Variants in ARL15 observed in about 807,000 individuals in gnomAD.
ARL15 encodes the protein ARF like GTPase 15.
In ARL15, 19 loss-of-function variants were observed where a neutral mutation model predicts 25.2. The ratio of observed to expected loss-of-function variants is 0.75; its 90% CI spans 0.53 to 1.10. ARL15 has a LOEUF of 1.10. ARL15 is among the 50% of genes least tolerant of loss of function. The pLI, the probability that ARL15 is intolerant of heterozygous loss-of-function variation, is 0.00. For synonymous variants in ARL15, 94 were observed against 86.8 expected, an observed-to-expected ratio of 1.08 and a Z score of -0.46; for missense variants, 220 against 246.0, an observed-to-expected ratio of 0.89 and a Z score of 0.71.
chr5:54,070,370 C>T (rs566402391), intron 4 of ARL15, among the ~76,000 whole-genome samples: 2 of 151,224 alleles, frequency 1.3e-5, no homozygotes, highest in African/African-American at 4.9e-5. Context: ...CCAGCCTGGG[C>T]GACAGAGCGA....
rs188525787 is a variant in ARL15, at chr5:54,037,403, C to T, written c.462+75799G>A. Among the ~76,000 whole-genome samples the T allele has an allele frequency of 2.0e-5, 3 of 151,892 alleles. No individual in the cohort carries two copies. In the East Asian group the frequency reaches 5.8e-4, roughly 29 times the overall value. Reference sequence around the variant, plus strand: ...CATAGTTTTCTGTGAAAAATGATGACCAATACAGAAAATGTAGTAAATACA... The same window carrying T: ...CATAGTTTTCTGTGAAAAATGATGATCAATACAGAAAATGTAGTAAATACA... On this transcript the variant is annotated intron_variant, in intron 4 of 4. Coordinates refer to ENST00000504924, the MANE Select transcript of ARL15 (RefSeq NM_019087.3).
chr5:54,052,159 T>C lies in ARL15; in HGVS notation c.462+61043A>G, dbSNP rs114353893. Among the ~76,000 whole-genome samples, 946 of 151,900 alleles carry C rather than the reference T, an allele frequency of 6.2e-3. 10 individuals carry two copies. The highest frequency in any genetic ancestry group is 0.021 in the African/African-American group (882 of 41,412). ...AGACAAATATGTAAAACATAGGGGA[T>C]TTTTTTTATGGAGGTGAAACTATTA... On this transcript the variant is annotated intron_variant, in intron 4 of 4. Coordinates refer to ENST00000504924, the MANE Select transcript of ARL15 (RefSeq NM_019087.3).
At chr5:54,142,105 T>C (rs1314504693) in intron 3 of ARL15, among the ~76,000 whole-genome samples, 1 of 152,222 alleles carries the variant, frequency 6.6e-6, no homozygotes, top group Non-Finnish European at 1.5e-5. Flanking sequence ...ATTTACCTTT[T>C]TCAGAGACTG....
intron 3 of ARL15, among the ~76,000 whole-genome samples, chr5:54,125,383 A>G (rs1377829622): frequency 1.3e-5 from 2 of 152,148 alleles, no homozygotes; most frequent in African/African-American, 4.8e-5. Context: ...AGAGTCACAC[A>G]TGGCAAGGAA....
chr5:54,308,850 A>C (rs1020417992), intron 1 of ARL15, among the ~76,000 whole-genome samples: 8 of 152,164 alleles, frequency 5.3e-5, no homozygotes, highest in Non-Finnish European at 1.0e-4. Flanking sequence ...GAACCACCTG[A>C]TTTTCTTTTT....
At chr5:54,077,989 A>G (rs907688316) in intron 4 of ARL15, among the ~76,000 whole-genome samples, 1 of 152,206 alleles carries the variant, frequency 6.6e-6, no homozygotes, top group African/African-American at 2.4e-5. Flanking sequence ...GAGTTATGCT[A>G]ATTTGATTAC....
intron 3 of ARL15, among the ~76,000 whole-genome samples, chr5:54,141,931 A>G (rs964793073): frequency 1.3e-5 from 2 of 152,168 alleles, no homozygotes; most frequent in Admixed American, 6.6e-5. Context: ...ATAGTATTCT[A>G]TTATACAGAT....
chr5:54,061,842 C>A (rs1751071936), intron 4 of ARL15, among the ~76,000 whole-genome samples: 1 of 152,118 alleles, frequency 6.6e-6, no homozygotes, highest in Non-Finnish European at 1.5e-5. Flanking sequence ...ATCCTCCTGA[C>A]CCTAGAATGG....
At chr5:54,275,344 G>A (rs903372374) in intron 1 of ARL15, among the ~76,000 whole-genome samples, 3 of 152,190 alleles carry the variant, frequency 2.0e-5, no homozygotes, top group African/African-American at 7.2e-5. Context: ...AACCCCTAGA[G>A]TCTTGGAGGC....
At chr5:54,160,863 A>G (rs937895253) in intron 2 of ARL15, among the ~76,000 whole-genome samples, 3 of 152,188 alleles carry the variant, frequency 2.0e-5, no homozygotes, top group Admixed American at 2.0e-4. Flanking sequence ...CTCTGAAGGT[A>G]GATTCTCTTT....
chr5:53,918,907 C>T (rs60633530), intron 4 of ARL15, among the ~76,000 whole-genome samples: 47,592 of 151,828 alleles, frequency 0.31, 7,767 homozygotes, highest in African/African-American at 0.35. Flanking sequence ...TCTAATTACA[C>T]AATTAAAATT....
chr5:54,191,083 A>G (rs1326890070), intron 1 of ARL15, among the ~76,000 whole-genome samples: 2 of 152,344 alleles, frequency 1.3e-5, no homozygotes, highest in East Asian at 3.9e-4. Flanking sequence ...ATGAATGGAT[A>G]AGCAAAATGT....
intron 4 of ARL15, among the ~76,000 whole-genome samples, chr5:54,034,921 G>A (rs180781946): frequency 5.9e-5 from 9 of 151,500 alleles, no homozygotes; most frequent in Non-Finnish European, 1.3e-4. Flanking sequence ...TACCTGCCTC[G>A]GACTCCCAAA....
intron 4 of ARL15, among the ~76,000 whole-genome samples, chr5:53,934,307 C>T (rs145901562): frequency 3.2e-4 from 49 of 152,206 alleles, no homozygotes; most frequent in Middle Eastern, 6.8e-3. Flanking sequence ...GGGAAAGCTG[C>T]CATTTAGCTC....
At chr5:54,005,492 C>T (rs553131322) in intron 4 of ARL15, among the ~76,000 whole-genome samples, 12 of 152,170 alleles carry the variant, frequency 7.9e-5, no homozygotes, top group African/African-American at 2.6e-4. Context: ...GAGGCCAAGG[C>T]GGGTGGATCA....
At chr5:54,105,164 T>G (rs541565341) in intron 4 of ARL15, among the ~76,000 whole-genome samples, 72 of 152,146 alleles carry the variant, frequency 4.7e-4, no homozygotes, top group South Asian at 2.7e-3. Flanking sequence ...GACAAATGTT[T>G]TATTAACTTT....
Position 54,218,326 on chromosome 5 carries a change from C to T in ARL15, c.49-46398G>A, listed in dbSNP as rs532256817. The stretch of plus-strand genomic sequence containing the variant: ...ACAATGAATACTTCCTAGTAACTAA[C>T]ATCCAGCCGAGAAGACGGCTATGCC... On this transcript the variant is annotated intron_variant, in intron 1 of 4. Transcript: ENST00000504924. Among the ~76,000 whole-genome samples the T allele has an allele frequency of 5.3e-5, 8 of 152,312 alleles. No homozygotes were observed. The East Asian group carries it at 1.5e-3, about 29-fold the overall frequency.
chr5:54,177,910 C>G (rs1333244952), intron 1 of ARL15, among the ~76,000 whole-genome samples: 7 of 152,176 alleles, frequency 4.6e-5, no homozygotes. Context: ...GAGAAATAAT[C>G]CTTTCTTCCA....
intron 4 of ARL15, among the ~76,000 whole-genome samples, chr5:54,006,125 C>A (rs1479582486): frequency 6.6e-6 from 1 of 151,540 alleles, no homozygotes; most frequent in African/African-American, 2.4e-5. Context: ...ACTGGCAAAC[C>A]CCTTTAAATT....
Sources: allele counts gnomAD v4.1 joint callset (sites outside exome capture counted in the v4.1 genomes callset), GRCh38; gene constraint gnomAD v4.1.1; transcripts MANE v1.5; gene names NCBI Gene and HGNC (gene_info 2026-07-23, HGNC 2026-07-21).